PLBD1: variants seen among roughly 807,000 people sequenced by gnomAD.
The protein encoded by PLBD1 is phospholipase B domain containing 1, also known as lysosomal leucine aminopeptidase.
PLBD1 carries 60 observed loss-of-function variants against 63.0 expected under a neutral mutation model. The ratio of observed to expected loss-of-function variants is 0.95; its 90% confidence interval spans 0.77 to 1.18. PLBD1 has a LOEUF of 1.18. Ranked by LOEUF, PLBD1 falls within the 50% of genes most tolerant of loss-of-function variation. The pLI is 0.00. For missense variants in PLBD1, 598 were observed against 677.9 expected (o/e 0.88, Z 1.31); for synonymous variants, 262 against 248.0 (o/e 1.06, Z -0.53).
intron 2 of PLBD1, among the ~76,000 whole-genome samples, chr12:14,543,450 G>T (rs568632654): frequency 6.6e-6 from 1 of 152,238 alleles, no homozygotes; most frequent in East Asian, 1.9e-4. Context: ...CGAGCACGAT[G>T]GTTCACACTT....
At chr12:14,515,347 A>G (rs991782445) in intron 6 of PLBD1, among the ~76,000 whole-genome samples, 1 of 152,182 alleles carries the variant, frequency 6.6e-6, no homozygotes, top group African/African-American at 2.4e-5. Context: ...CTGATCTGGC[A>G]GAAGACATCA....
chr12:14,554,936 G>A (rs539507132), intron 1 of PLBD1, among the ~76,000 whole-genome samples: 33 of 152,020 alleles, frequency 2.2e-4, no homozygotes, highest in African/African-American at 6.8e-4. Flanking sequence ...ATCCTCCATC[G>A]TGGTGTTTTC....
Position 14,567,740 on chromosome 12 carries a change from G to A in PLBD1, c.-44C>T. On this transcript the variant is annotated 5_prime_UTR_variant, in exon 1 of 11. Coordinates refer to ENST00000240617, the MANE Select transcript of PLBD1 (RefSeq NM_024829.6). ...TTCCTCTGCGGGATCAGGCGGCCGCGGTGGCCCGCGGTGGCAGAAGTTGCA... is the reference window on the plus strand; with the variant it reads ...TTCCTCTGCGGGATCAGGCGGCCGCAGTGGCCCGCGGTGGCAGAAGTTGCA... 7.2e-7 allele frequency: 1 copy of A among 1,383,094 alleles called. No homozygotes were observed. The highest frequency in any genetic ancestry group is 1.6e-5 in the South Asian group (1 of 60,798). The allele number at this position is 1,383,094 out of a possible 1,614,324, so 85.7% of individuals were successfully genotyped here. A position where few individuals can be genotyped will look rare whatever the true frequency, so the allele number is the denominator to read the frequency against.
At chr12:14,561,296 C>T (rs999812336) in intron 1 of PLBD1, among the ~76,000 whole-genome samples, 1 of 151,876 alleles carries the variant, frequency 6.6e-6, no homozygotes, top group Non-Finnish European at 1.5e-5. Context: ...TGAAACATAC[C>T]GATTTGTCAC....
intron 1 of PLBD1, among the ~76,000 whole-genome samples, chr12:14,566,448 A>G (rs1945782605): frequency 1.3e-5 from 2 of 152,210 alleles, no homozygotes; most frequent in Non-Finnish European, 2.9e-5. Flanking sequence ...TCAGCACAGA[A>G]AAGGGGATTA....
intron 10 of PLBD1, among the ~76,000 whole-genome samples, chr12:14,505,321 G>A (rs1442981398): frequency 6.6e-6 from 1 of 152,032 alleles, no homozygotes; most frequent in Non-Finnish European, 1.5e-5. Context: ...ACCCTGACAG[G>A]TTTCTTCCAG....
chr12:14,511,260 C>T lies in PLBD1; in HGVS notation c.1186G>A (p.Gly396Arg). The change falls in exon 8 of 11, where the codon GGA becomes AGA. Residue 396 changes from glycine to arginine, a missense_variant and splice_region_variant. Gly to Arg is a moderately radical substitution (Grantham distance 125). Coordinates refer to ENST00000240617, the MANE Select transcript of PLBD1 (RefSeq NM_024829.6). Reference protein sequence around the residue: ...YSEQTDVLRKGYWPSYNVPFH... With the variant: ...YSEQTDVLRKRYWPSYNVPFH... ...AAGACTTACGACATGAAGAAAGTACCTTTCCGTAGAACATCAGTTTGTTCA... is the reference window on the plus strand; with the variant it reads ...AAGACTTACGACATGAAGAAAGTACTTTTCCGTAGAACATCAGTTTGTTCA... The T allele has an allele frequency of 1.9e-6, 3 of 1,586,182 alleles. No homozygotes were observed. The highest frequency in any genetic ancestry group is 2.6e-6 in the Non-Finnish European group (3 of 1,169,358).
At chr12:14,532,533 C>A (rs1592000848) in intron 6 of PLBD1, among the ~76,000 whole-genome samples, 1 of 152,188 alleles carries the variant, frequency 6.6e-6, no homozygotes, top group East Asian at 1.9e-4. Context: ...ACCGTTCTGA[C>A]AGCTCAGTTA....
At chr12:14,560,512 C>A (rs1945736861) in intron 1 of PLBD1, among the ~76,000 whole-genome samples, 1 of 152,160 alleles carries the variant, frequency 6.6e-6, no homozygotes. Flanking sequence ...AATTGCTTTT[C>A]TCTTTTATGT....
At chr12:14,511,933 T>C (rs899597484) in intron 6 of PLBD1, among the ~76,000 whole-genome samples, 4 of 152,178 alleles carry the variant, frequency 2.6e-5, no homozygotes, top group South Asian at 2.1e-4. Context: ...GGATTCTCCA[T>C]TGAAAATTTA....
intron 1 of PLBD1, among the ~76,000 whole-genome samples, chr12:14,558,011 A>C (rs1386431260): frequency 6.6e-6 from 1 of 150,888 alleles, no homozygotes; most frequent in Non-Finnish European, 1.5e-5. Context: ...CTGGATAAAG[A>C]AATTGTGGTA....
At chr12:14,566,693 CTGTCTTATT>C (rs1945786146) in intron 1 of PLBD1, among the ~76,000 whole-genome samples, 1 of 151,278 alleles carries the variant, frequency 6.6e-6, no homozygotes, top group South Asian at 2.2e-4. Flanking sequence ...TCCCCTAACT[CTGTCTTATT>C]TGCTGTGTTA....
At chr12:14,562,228 C>G (rs1945746099) in intron 1 of PLBD1, among the ~76,000 whole-genome samples, 1 of 152,044 alleles carries the variant, frequency 6.6e-6, no homozygotes, top group Non-Finnish European at 1.5e-5. Flanking sequence ...GAGGCCAAGG[C>G]AGTCTGATCA....
chr12:14,534,212 A>G (rs965585282), intron 6 of PLBD1, among the ~76,000 whole-genome samples: 1 of 152,202 alleles, frequency 6.6e-6, no homozygotes, highest in Non-Finnish European at 1.5e-5. Context: ...GATAGATATG[A>G]CAGGTGGTTG....
At chr12:14,518,041 C>T (rs879612840) in intron 6 of PLBD1, among the ~76,000 whole-genome samples, 12 of 152,004 alleles carry the variant, frequency 7.9e-5, no homozygotes, top group African/African-American at 1.2e-4. Context: ...ATTAGCCGGG[C>T]GTGGTCACAC....
intron 6 of PLBD1, among the ~76,000 whole-genome samples, chr12:14,514,714 TG>T (rs1945324760): frequency 6.6e-6 from 1 of 152,080 alleles, no homozygotes. Flanking sequence ...CACATTTCTT[TG>T]ACTACATACA....
intron 8 of PLBD1, among the ~76,000 whole-genome samples, chr12:14,510,821 G>T (rs1945292028): frequency 6.6e-6 from 1 of 152,140 alleles, no homozygotes; most frequent in Non-Finnish European, 1.5e-5. Context: ...CCTGATGACA[G>T]CTCTTCCCAT....
chr12:14,506,333 A>G (rs1945256023), intron 9 of PLBD1, 65 bp from the exon 10 acceptor site: 1 of 1,177,396 alleles, frequency 8.5e-7, no homozygotes, highest in South Asian at 1.3e-5. Flanking sequence ...CTCCACAGTA[A>G]GGTTTTGAGG....
Position 14,562,064 on chromosome 12 carries a change from G to A in PLBD1, c.115+5518C>T, listed in dbSNP as rs547719478. ...GCTGAAATTATTACTGCATATGCAA[G>A]GCAGATGGACAAATTTCAGAGCCAG... is the stretch of plus-strand genomic sequence containing the variant. On this transcript the variant is annotated intron_variant, in intron 1 of 10. Transcript: ENST00000240617. Among the ~76,000 whole-genome samples, 10 of 152,304 alleles carry A rather than the reference G, an allele frequency of 6.6e-5. No individual in the cohort carries two copies. In the East Asian group the frequency reaches 1.9e-3, roughly 29 times the overall value.
Sources: gnomAD v4.1 joint callset for allele counts (sites outside exome capture counted in the v4.1 genomes callset) on GRCh38, gnomAD v4.1.1 for gene constraint, MANE v1.5 for transcripts, NCBI Gene and HGNC (gene_info 2026-07-23, HGNC 2026-07-21) for gene names.